PSMD11: variants seen among roughly 807,000 people sequenced by gnomAD.
PSMD11 encodes proteasome 26S subunit, non-ATPase 11.
A neutral mutation model predicts 62.3 loss-of-function variants in PSMD11; 5 were observed. The observed-to-expected ratio is 0.08, with a 90% CI of 0.04 to 0.17. The LOEUF (loss-of-function observed/expected upper bound fraction) is 0.17, where lower values mean the gene tolerates loss of function less well. Among genes scored for constraint, PSMD11 ranks in the 10% least tolerant of loss-of-function variants. The pLI is 1.00. For synonymous variants in PSMD11, 191 were observed against 191.8 expected (o/e 1.00, Z 0.03); for missense variants, 310 against 512.9 (o/e 0.60, Z 3.82).
At chr17:32,474,093 G>A in intron 7 of PSMD11, 148 bp downstream of exon 7, 1 of 910,882 alleles carries the variant, frequency 1.1e-6, no homozygotes. Context: ...TAGAGCGGGA[G>A]GATCAAAAGT....
intron 13 of PSMD11, 27 bp from the exon 14 acceptor site, chr17:32,480,726 T>C: frequency 7.2e-7 from 1 of 1,398,580 alleles, no homozygotes; most frequent in Non-Finnish European, 9.9e-7. Context: ...GGCTTCCTGA[T>C]TGACACTGCT....
intron 5 of PSMD11, among the ~76,000 whole-genome samples, chr17:32,467,890 C>G (rs548002268): frequency 6.6e-6 from 1 of 152,176 alleles, no homozygotes; most frequent in South Asian, 2.1e-4. Flanking sequence ...GTTTGTTGTT[C>G]AGATTTTTTG....
intron 8 of PSMD11, chr17:32,476,984 C>T (rs1046565030): frequency 2.6e-5 from 4 of 152,506 alleles, no homozygotes; most frequent in African/African-American, 9.7e-5. Flanking sequence ...ACTCCTGAAC[C>T]TCAAGTGATC....
chr17:32,454,730 A>G (rs1455943458), intron 3 of PSMD11, 111 bp downstream of exon 3: 2 of 1,156,414 alleles, frequency 1.7e-6, no homozygotes, highest in South Asian at 1.5e-5. Context: ...CTGGGAGGAC[A>G]GCGCAGGACT....
chr17:32,461,202 C>T (rs762114748), intron 3 of PSMD11, among the ~76,000 whole-genome samples: 3 of 151,912 alleles, frequency 2.0e-5, no homozygotes, highest in African/African-American at 2.4e-5. Context: ...CTCAGCCTCC[C>T]GAGTAGCTGG....
chr17:32,461,064 A>G (rs888082359), intron 3 of PSMD11, among the ~76,000 whole-genome samples: 4 of 152,058 alleles, frequency 2.6e-5, no homozygotes, highest in African/African-American at 7.2e-5. Context: ...AGTCTACCCA[A>G]TTGAAACACA....
At chr17:32,467,242 CTTT>C (rs751751489) in intron 5 of PSMD11, among the ~76,000 whole-genome samples, 51 of 120,530 alleles carry the variant, frequency 4.2e-4, no homozygotes, top group East Asian at 1.2e-3. Context: ...CATGCCCGGC[CTTT>C]TTTTTTTTTT....
At chr17:32,447,198 G>A in intron 2 of PSMD11, 152 bp downstream of exon 2, 1 of 565,072 alleles carries the variant, frequency 1.8e-6, no homozygotes. Context: ...GCAATTAAGT[G>A]GCCTTTAAAC....
intron 2 of PSMD11, among the ~76,000 whole-genome samples, chr17:32,448,695 A>T (rs1907402709): frequency 6.6e-6 from 1 of 152,168 alleles, no homozygotes. Flanking sequence ...TTCTAAACAC[A>T]TACATGGTTT....
Position 32,480,510 on chromosome 17 carries a change from G to A in PSMD11, c.1148G>A (p.Gly383Asp). 1 of 1,614,132 alleles carries A rather than the reference G, an allele frequency of 6.2e-7. No homozygotes were observed. Among genetic ancestry groups the A allele is most frequent in the East Asian group, 2.2e-5 (1 of 44,874 alleles). ...KFHGILDQGE[G>D]VLIIFDEPPV... is the part of the protein sequence containing the mutation. ...GCAGGGATTTTGGACCAGGGGGAGG[G>A]TGTCCTGATTATTTTCGATGAACCC... Residue 383 changes from glycine (G) to aspartate (D), a missense_variant, in exon 13 of 14, where the codon GGT becomes GAT. Coordinates refer to ENST00000261712, the MANE Select transcript of PSMD11 (RefSeq NM_002815.4).
intron 3 of PSMD11, among the ~76,000 whole-genome samples, chr17:32,455,634 T>C (rs1222784431): frequency 6.6e-6 from 1 of 152,244 alleles, no homozygotes; most frequent in Non-Finnish European, 1.5e-5. Flanking sequence ...TAATGATTCT[T>C]TGAATCCTGA....
intron 1 of PSMD11, chr17:32,445,873 T>A (rs1466628300): frequency 6.6e-6 from 1 of 152,162 alleles, no homozygotes; most frequent in African/African-American, 2.4e-5. Context: ...TGGTAAAAGG[T>A]GTTTCATTTT....
At chr17:32,454,416 C>T (rs977012839) in intron 2 of PSMD11, 79 bp from the exon 3 acceptor site, 59 of 1,462,298 alleles carry the variant, frequency 4.0e-5, no homozygotes, top group Admixed American at 5.4e-5. Context: ...ATTTTTATGA[C>T]GTTGGGTCAG....
intron 6 of PSMD11, among the ~76,000 whole-genome samples, chr17:32,469,721 G>A (rs1478841055): frequency 6.6e-6 from 1 of 151,790 alleles, no homozygotes; most frequent in Non-Finnish European, 1.5e-5. Context: ...TTTTACTGGA[G>A]GCGTCATTAT....
chr17:32,482,206 T>C lies in PSMD11; in HGVS notation c.*1454T>C, dbSNP rs1477276431. ...CCTCACTGAATCTGACTGGCTTTTA[T>C]TTTCCTCTCCAAAATCAGGTTTTTG... On this transcript the variant is annotated 3_prime_UTR_variant, in exon 14 of 14. Coordinates refer to ENST00000261712, the MANE Select transcript of PSMD11 (RefSeq NM_002815.4). 2 of 152,124 alleles carry C rather than the reference T, an allele frequency of 1.3e-5. No homozygotes were observed. The highest frequency in any genetic ancestry group is 4.8e-5 in the African/African-American group (2 of 41,408). The allele number at this position is 152,124 out of a possible 1,614,324, so 9.4% of individuals were successfully genotyped here. A position where few individuals can be genotyped will look rare whatever the true frequency, so the allele number is the denominator to read the frequency against.
chr17:32,464,063 A>G lies in PSMD11; in HGVS notation c.333A>G (p.Leu111=), dbSNP rs1318015424. Residue 111 remains leucine (L), a synonymous_variant, in exon 4 of 14, where the codon TTA becomes TTG. Coordinates refer to ENST00000261712, the MANE Select transcript of PSMD11 (RefSeq NM_002815.4). ...AATGQEVELC[L]ECIEWAKSEK... The stretch of plus-strand genomic sequence containing the variant: ...CCTTATTGCAGGTCGAGCTGTGTTT[A>G]GAGTGCATCGAATGGGCCAAGTCAG... 1.2e-6 allele frequency: 2 copies of G among 1,614,126 alleles called. No homozygotes were observed. The highest frequency in any genetic ancestry group is 1.7e-6 in the Non-Finnish European group (2 of 1,179,976).
intron 3 of PSMD11, among the ~76,000 whole-genome samples, chr17:32,463,213 A>G (rs970313151): frequency 1.3e-5 from 2 of 152,228 alleles, no homozygotes; most frequent in African/African-American, 4.8e-5. Context: ...TAGACTGTCT[A>G]GCATTGAGTG....
intron 2 of PSMD11, among the ~76,000 whole-genome samples, chr17:32,453,695 A>G (rs1361739470): frequency 2.0e-5 from 3 of 152,146 alleles, no homozygotes; most frequent in South Asian, 4.1e-4. Context: ...ATTCCAAAAT[A>G]CCTCCTTAGT....
At chr17:32,449,835 T>G (rs920590351) in intron 2 of PSMD11, among the ~76,000 whole-genome samples, 2 of 152,206 alleles carry the variant, frequency 1.3e-5, no homozygotes, top group African/African-American at 4.8e-5. Context: ...TAATGTTCAG[T>G]TTTTTTATGC....
Sources: gnomAD v4.1 joint callset for allele counts (sites outside exome capture counted in the v4.1 genomes callset) on GRCh38, gnomAD v4.1.1 for gene constraint, MANE v1.5 for transcripts, NCBI Gene and HGNC (gene_info 2026-07-23, HGNC 2026-07-21) for gene names.